The following NDFIP1 variants were observed in gnomAD, a reference collection of about 807,000 sequenced individuals.
NDFIP1 encodes Nedd4 family interacting protein 1.
In NDFIP1, 7 loss-of-function variants were observed where a neutral mutation model predicts 28.8. That is an observed-to-expected ratio of 0.24 (90% CI 0.14 to 0.46). The LOEUF (loss-of-function observed/expected upper bound fraction) is 0.46, where lower values mean the gene tolerates loss of function less well. NDFIP1 is among the 20% of genes least tolerant of loss of function. The pLI, the probability that NDFIP1 is intolerant of heterozygous loss-of-function variation, is 0.99. For synonymous variants in NDFIP1, 92 were observed against 101.0 expected, an observed-to-expected ratio of 0.91 and a Z score of 0.53; for missense variants, 194 against 269.1, an observed-to-expected ratio of 0.72 and a Z score of 1.95.
At chr5:142,146,291 C>T (rs1757387998) in intron 7 of NDFIP1, among the ~76,000 whole-genome samples, 1 of 152,214 alleles carries the variant, frequency 6.6e-6, no homozygotes, top group Non-Finnish European at 1.5e-5. Flanking sequence ...AATTCAGTCA[C>T]ACAGTCTGGA....
In NDFIP1 at chr5:142,144,643, T is replaced by C. The variant is rs267600465; in HGVS notation, c.635T>C (p.Leu212Pro). Residue 212 changes from leucine (L) to proline (P), a missense_variant, in exon 7 of 8, where the codon CTC becomes CCC. Transcript: ENST00000253814. ...AAGATGCCAGAAACTTTCTCAAATC[T>C]CCCCAGGACCAGAGTTCTCTTTATT... ...VRKMPETFSN[L>P]PRTRVLFIY The C allele has an allele frequency of 6.2e-7, 1 of 1,612,348 alleles. No individual in the cohort carries two copies. Among genetic ancestry groups the C allele is most frequent in the Non-Finnish European group, 8.5e-7 (1 of 1,178,940 alleles).
intron 1 of NDFIP1, among the ~76,000 whole-genome samples, chr5:142,129,847 G>C (rs1335981102): frequency 6.8e-6 from 1 of 146,342 alleles, no homozygotes; most frequent in Non-Finnish European, 1.5e-5. Flanking sequence ...GGAGGTGGAG[G>C]TTTCAGTGAG....
At chr5:142,145,174 C>T (rs904988702) in intron 7 of NDFIP1, among the ~76,000 whole-genome samples, 1 of 152,188 alleles carries the variant, frequency 6.6e-6, no homozygotes, top group African/African-American at 2.4e-5. Context: ...GTCATTGAGG[C>T]TTTCCCCATG....
chr5:142,130,456 G>GCGGAA (rs1757216166), intron 1 of NDFIP1, among the ~76,000 whole-genome samples: 1 of 152,180 alleles, frequency 6.6e-6, no homozygotes. Context: ...TGGTGTGCAT[G>GCGGAA]TGGAATATAA....
intron 1 of NDFIP1, among the ~76,000 whole-genome samples, chr5:142,123,895 G>C (rs962491946): frequency 3.3e-5 from 5 of 152,138 alleles, no homozygotes; most frequent in African/African-American, 1.2e-4. Context: ...AAGAAGTGGA[G>C]AAAAAGAACT....
At chr5:142,130,457 T>C (rs6886432) in intron 1 of NDFIP1, among the ~76,000 whole-genome samples, 142,689 of 152,308 alleles carry the variant, frequency 0.94, 66,904 homozygotes, top group East Asian at 1. Flanking sequence ...GGTGTGCATG[T>C]GGAATATAAT....
At chr5:142,120,048 C>T (rs1443652698) in intron 1 of NDFIP1, among the ~76,000 whole-genome samples, 1 of 152,142 alleles carries the variant, frequency 6.6e-6, no homozygotes, top group Admixed American at 6.5e-5. Flanking sequence ...CTCTGCCTCC[C>T]GGGTTGAAGC....
intron 3 of NDFIP1, among the ~76,000 whole-genome samples, chr5:142,135,103 C>T (rs1403445088): frequency 6.6e-6 from 1 of 151,972 alleles, no homozygotes; most frequent in Non-Finnish European, 1.5e-5. Context: ...CTTAGCCTCC[C>T]GAGTAGCTGG....
Position 142,154,138 on chromosome 5 carries a change from C to T in NDFIP1, c.*2410C>T, listed in dbSNP as rs1417830064. Reference sequence around the variant, plus strand: ...TCCCATGTTCTTTCTCACTTTGATACGTTAATACTGATAATGGATAAAGAG... The same window carrying T: ...TCCCATGTTCTTTCTCACTTTGATATGTTAATACTGATAATGGATAAAGAG... On this transcript the variant is annotated 3_prime_UTR_variant, in exon 8 of 8. Coordinates refer to ENST00000253814, the MANE Select transcript of NDFIP1 (RefSeq NM_030571.4). 1.3e-5 allele frequency: 2 copies of T among 152,186 alleles called. No individual in the cohort carries two copies. Among genetic ancestry groups the T allele is most frequent in the Admixed American group, 1.3e-4 (2 of 15,258 alleles). The allele number at this position is 152,186 out of a possible 1,614,324, so 9.4% of individuals were successfully genotyped here.
chr5:142,140,601 C>T lies in NDFIP1; in HGVS notation c.534C>T (p.Tyr178=). ...TYFPGYFDGQ[Y]WLWWVFLVLG... ...TCCCTGGATATTTTGATGGTCAGTACTGGCTCTGGTGGGTGTTCCTTGTTT... is the reference window on the plus strand; with the variant it reads ...TCCCTGGATATTTTGATGGTCAGTATTGGCTCTGGTGGGTGTTCCTTGTTT... The change falls in exon 6 of 8, where the codon TAC becomes TAT. Residue 178 remains tyrosine (Y), a synonymous_variant. Coordinates refer to ENST00000253814, the MANE Select transcript of NDFIP1 (RefSeq NM_030571.4). 1 of 1,613,024 alleles carries T rather than the reference C, an allele frequency of 6.2e-7. No homozygotes were observed. Among genetic ancestry groups the T allele is most frequent in the Non-Finnish European group, 8.5e-7 (1 of 1,179,666 alleles).
intron 1 of NDFIP1, among the ~76,000 whole-genome samples, chr5:142,115,715 ACAT>A (rs1216828515): frequency 6.6e-6 from 1 of 152,112 alleles, no homozygotes; most frequent in Non-Finnish European, 1.5e-5. Context: ...CAACTGGCAA[ACAT>A]CATGTATGAA....
At chr5:142,121,086 A>G (rs1757117919) in intron 1 of NDFIP1, among the ~76,000 whole-genome samples, 1 of 152,198 alleles carries the variant, frequency 6.6e-6, no homozygotes, top group Non-Finnish European at 1.5e-5. Flanking sequence ...TTCAGTGTCT[A>G]CATTTGATTT....
At chr5:142,139,506 A>G (rs753933872) in intron 5 of NDFIP1, among the ~76,000 whole-genome samples, 3 of 152,192 alleles carry the variant, frequency 2.0e-5, no homozygotes, top group Non-Finnish European at 4.4e-5. Context: ...TTGAAACACG[A>G]CAGTGCTCAA....
At chr5:142,119,328 T>TGG (rs1362416670) in intron 1 of NDFIP1, among the ~76,000 whole-genome samples, 2 of 152,246 alleles carry the variant, frequency 1.3e-5, no homozygotes, top group African/African-American at 2.4e-5. Flanking sequence ...CACACCCCTG[T>TGG]GGGAAATAGT....
chr5:142,115,466 G>T (rs1757055706), intron 1 of NDFIP1, among the ~76,000 whole-genome samples: 1 of 152,026 alleles, frequency 6.6e-6, no homozygotes, highest in Non-Finnish European at 1.5e-5. Context: ...TGTATTTTTC[G>T]TAGAGATGGG....
chr5:142,145,470 T>A (rs906689395), intron 7 of NDFIP1, among the ~76,000 whole-genome samples: 18 of 152,168 alleles, frequency 1.2e-4, no homozygotes, highest in Admixed American at 5.2e-4. Flanking sequence ...CCTTGGGGCT[T>A]TGGGGACTGT....
At position 142,119,418 on chromosome 5, in the gene NDFIP1, ACTTAGG is replaced by A. The variant is rs1757101091; in HGVS notation, c.63+10382_63+10387del. 2.0e-5 allele frequency among the ~76,000 whole-genome samples: 3 copies of A among 152,348 alleles called. No homozygotes were observed. In the East Asian group the frequency reaches 5.8e-4, roughly 29 times the overall value. ...AAAACTCTACTTATTTCCAAATGTTACTTAGGTCAGCACCTTTTCCTCCACCCACTT... is the reference window on the plus strand; with the variant it reads ...AAAACTCTACTTATTTCCAAATGTTATCAGCACCTTTTCCTCCACCCACTT... On this transcript the variant is annotated intron_variant, in intron 1 of 7. Transcript: ENST00000253814.
At chr5:142,148,579 C>T (rs564771729) in intron 7 of NDFIP1, among the ~76,000 whole-genome samples, 6 of 151,782 alleles carry the variant, frequency 4.0e-5, no homozygotes, top group East Asian at 1.9e-4. Flanking sequence ...GACAAAACCC[C>T]GTCTCTACTA....
intron 7 of NDFIP1, among the ~76,000 whole-genome samples, chr5:142,149,787 A>G (rs1416565812): frequency 6.6e-6 from 1 of 152,234 alleles, no homozygotes; most frequent in African/African-American, 2.4e-5. Context: ...CTAAAGCATC[A>G]TAAACTAAGG....
Sources: allele counts gnomAD v4.1 joint callset (sites outside exome capture counted in the v4.1 genomes callset), GRCh38; gene constraint gnomAD v4.1.1; transcripts MANE v1.5; gene names NCBI Gene and HGNC (gene_info 2026-07-23, HGNC 2026-07-21).